The following SPOCK1 variants were observed in gnomAD, a reference collection of about 807,000 sequenced individuals.
The protein encoded by SPOCK1 is SPARC (osteonectin), cwcv and kazal like domains proteoglycan 1.
In SPOCK1, 23 loss-of-function variants were observed where a neutral mutation model predicts 55.3. That is an observed-to-expected ratio of 0.42 (90% CI 0.30 to 0.59). SPOCK1 has a LOEUF of 0.59. Among genes scored for constraint, SPOCK1 ranks in the 20% least tolerant of loss-of-function variants. The pLI is 0.22. For missense variants in SPOCK1, 499 were observed against 552.5 expected, an observed-to-expected ratio of 0.90 and a Z score of 0.97; for synonymous variants, 226 against 221.0, an observed-to-expected ratio of 1.02 and a Z score of -0.20.
rs149059025 is a variant in SPOCK1, at chr5:137,337,509, A to C, written c.187-70454T>G. 2.6e-3 allele frequency among the ~76,000 whole-genome samples: 403 copies of C among 152,346 alleles called. 4 individuals carry two copies. Among genetic ancestry groups the C allele is most frequent in the African/African-American group, 9.0e-3 (373 of 41,576 alleles). On this transcript the variant is annotated intron_variant, in intron 2 of 10. Coordinates refer to ENST00000394945, the MANE Select transcript of SPOCK1 (RefSeq NM_004598.4). ...ACCATGAAAATAATAAGTCTACTGA[A>C]GCTGTGGTCTACAGACTTCACAACA...
chr5:137,076,255 A>G (rs972894483), intron 5 of SPOCK1, among the ~76,000 whole-genome samples: 26 of 152,202 alleles, frequency 1.7e-4, no homozygotes, highest in African/African-American at 5.3e-4. Flanking sequence ...TCTGTGCCCC[A>G]GGACAATTCT....
At chr5:137,448,544 G>C (rs1753179261) in intron 2 of SPOCK1, among the ~76,000 whole-genome samples, 1 of 152,106 alleles carries the variant, frequency 6.6e-6, no homozygotes, top group African/African-American at 2.4e-5. Context: ...AGGACTCAAT[G>C]ATTTCTTTTC....
intron 2 of SPOCK1, among the ~76,000 whole-genome samples, chr5:137,339,755 T>C (rs1750374692): frequency 6.6e-6 from 1 of 152,164 alleles, no homozygotes; most frequent in Admixed American, 6.5e-5. Context: ...ACCCAGATAA[T>C]GCTTGGTGAA....
chr5:137,458,204 T>C (rs1178539488), intron 2 of SPOCK1, among the ~76,000 whole-genome samples: 1 of 152,204 alleles, frequency 6.6e-6, no homozygotes, highest in Non-Finnish European at 1.5e-5. Flanking sequence ...TTGTGACATA[T>C]GTTTAAGACA....
intron 6 of SPOCK1, among the ~76,000 whole-genome samples, chr5:137,024,142 G>T (rs1041514549): frequency 2.6e-5 from 4 of 151,950 alleles, no homozygotes; most frequent in African/African-American, 9.7e-5. Context: ...TGACACAGAA[G>T]AAAACTTTGG....
intron 3 of SPOCK1, among the ~76,000 whole-genome samples, chr5:137,217,172 C>G (rs1418604514): frequency 6.6e-6 from 1 of 152,196 alleles, no homozygotes; most frequent in East Asian, 1.9e-4. Flanking sequence ...GTACTGGAGT[C>G]TCTTTTCAAA....
intron 3 of SPOCK1, among the ~76,000 whole-genome samples, chr5:137,143,605 A>T (rs1051942162): frequency 2.0e-5 from 3 of 152,168 alleles, no homozygotes; most frequent in Non-Finnish European, 4.4e-5. Context: ...TAATGAGTTA[A>T]TATCTGTAAG....
chr5:137,029,460 T>C (rs1751736918), intron 6 of SPOCK1, among the ~76,000 whole-genome samples: 1 of 152,242 alleles, frequency 6.6e-6, no homozygotes. Flanking sequence ...AAAACCCTTG[T>C]GCGGCAATTT....
chr5:137,181,820 C>G (rs142486314), intron 3 of SPOCK1, among the ~76,000 whole-genome samples: 62 of 152,324 alleles, frequency 4.1e-4, no homozygotes, highest in African/African-American at 1.4e-3. Context: ...TGGGCAGATG[C>G]CTGCCTGGGA....
At chr5:137,428,980 G>T (rs985436334) in intron 2 of SPOCK1, among the ~76,000 whole-genome samples, 4 of 152,204 alleles carry the variant, frequency 2.6e-5, no homozygotes, top group Non-Finnish European at 5.9e-5. Flanking sequence ...CAAGAAGAAT[G>T]ATCTTTTACA....
intron 5 of SPOCK1, among the ~76,000 whole-genome samples, chr5:137,075,785 C>T (rs1036927447): frequency 6.6e-6 from 1 of 152,174 alleles, no homozygotes; most frequent in Admixed American, 6.5e-5. Flanking sequence ...GCAGGCCCAC[C>T]CCCAGCAGGC....
At chr5:137,475,253 G>C (rs975097906) in intron 2 of SPOCK1, among the ~76,000 whole-genome samples, 4 of 152,100 alleles carry the variant, frequency 2.6e-5, no homozygotes, top group Non-Finnish European at 5.9e-5. Context: ...AGGACAACCT[G>C]CCTGAACCCT....
In SPOCK1 at chr5:137,326,589, T is replaced by A. The variant is rs77621417; in HGVS notation, c.187-59534A>T. ...TTCCCCAATGTGCCAGGAATTTATC[T>A]ACAGCTGAAGGAAGTTACTGTCAGG... On this transcript the variant is annotated intron_variant, in intron 2 of 10. Coordinates refer to ENST00000394945, the MANE Select transcript of SPOCK1 (RefSeq NM_004598.4). Among the ~76,000 whole-genome samples the A allele has an allele frequency of 3.7e-3, 569 of 152,348 alleles. 10 individuals carry two copies. The highest frequency in any genetic ancestry group is 0.014 in the Middle Eastern group (4 of 294).
intron 2 of SPOCK1, among the ~76,000 whole-genome samples, chr5:137,425,808 T>C (rs1450015867): frequency 1.3e-5 from 2 of 152,220 alleles, no homozygotes; most frequent in African/African-American, 4.8e-5. Flanking sequence ...AGAGTCACAC[T>C]ATATTATAGA....
intron 2 of SPOCK1, among the ~76,000 whole-genome samples, chr5:137,341,946 C>T (rs1750439536): frequency 6.6e-6 from 1 of 152,216 alleles, no homozygotes; most frequent in African/African-American, 2.4e-5. Context: ...AAACTGTTTT[C>T]TCTACTGCAG....
chr5:137,117,529 G>C (rs1284819192), intron 4 of SPOCK1, among the ~76,000 whole-genome samples: 1 of 152,172 alleles, frequency 6.6e-6, no homozygotes. Flanking sequence ...CTGGTACTTA[G>C]AAATAGGGGA....
intron 3 of SPOCK1, among the ~76,000 whole-genome samples, chr5:137,228,155 A>G (rs978805119): frequency 1.3e-5 from 2 of 152,208 alleles, no homozygotes; most frequent in Non-Finnish European, 2.9e-5. Context: ...TACATGATAC[A>G]TGGCTGGTAC....
chr5:137,329,545 T>A (rs1424822263), intron 2 of SPOCK1, among the ~76,000 whole-genome samples: 2 of 152,034 alleles, frequency 1.3e-5, no homozygotes, highest in Non-Finnish European at 2.9e-5. Context: ...AAGCATGCAA[T>A]AAGCCAGTGT....
At chr5:137,401,101 C>T (rs1299473156) in intron 2 of SPOCK1, among the ~76,000 whole-genome samples, 3 of 152,070 alleles carry the variant, frequency 2.0e-5, no homozygotes, top group Admixed American at 6.5e-5. Flanking sequence ...CAACCAGAGG[C>T]GAGAAACCAG....
Sources: allele counts gnomAD v4.1 joint callset (sites outside exome capture counted in the v4.1 genomes callset), GRCh38; gene constraint gnomAD v4.1.1; transcripts MANE v1.5; gene names NCBI Gene and HGNC (gene_info 2026-07-23, HGNC 2026-07-21).